Variants in NBAS observed in about 807,000 individuals in gnomAD.
NBAS encodes NBAS subunit of NRZ tethering complex, also known as NAG/BC035112 fusion.
Under a neutral mutation model 302.5 loss-of-function variants are expected in NBAS, and 219 were observed. The ratio of observed to expected loss-of-function variants is 0.72; its 90% CI spans 0.65 to 0.81. The LOEUF (loss-of-function observed/expected upper bound fraction) is 0.81, where lower values mean the gene tolerates loss of function less well. NBAS is among the 30% of genes least tolerant of loss of function. The pLI is 0.00. For synonymous variants in NBAS, 1,118 were observed against 1,021.6 expected (o/e 1.09, Z -1.80); for missense variants, 2,932 against 2,841.6 (o/e 1.03, Z -0.72).
At chr2:14,931,189 G>A in the NBAS span, among the ~76,000 whole-genome samples, 25 of 152,374 alleles carry the variant, frequency 1.6e-4, no homozygotes, top group African/African-American at 6.0e-4. Context: ...GCAGGATACA[G>A]AGGCAGAATC....
chr2:15,177,142 T>A (rs956058308), intron 51 of NBAS, among the ~76,000 whole-genome samples: 5 of 152,212 alleles, frequency 3.3e-5, no homozygotes, highest in Admixed American at 6.5e-5. Context: ...TTCTTGGATC[T>A]GAAGGGCACA....
the NBAS span, among the ~76,000 whole-genome samples, chr2:14,895,739 C>CAAAAAAAAAAA: frequency 0.018 from 1,691 of 94,788 alleles, 18 homozygotes; most frequent in Non-Finnish European, 0.03. Flanking sequence ...GACTCCGTCT[C>CAAAAAAAAAAA]AAAAAAAAAA....
In NBAS at chr2:15,461,243, G is replaced by A; in HGVS notation, c.2297C>T (p.Thr766Ile). Residue 766 changes from threonine to isoleucine, a missense_variant, in exon 21 of 52, where the codon ACC becomes ATC. Transcript: ENST00000281513. The stretch of plus-strand genomic sequence containing the variant: ...AACAGAATATTCATGTGGAGAAGTG[G>A]TCTCTGGAAAGTTGGACAGAATTGC... ...RLAILSNFPE[T>I]TSPHEYSVLL... 1 of 1,613,870 alleles carries A rather than the reference G, an allele frequency of 6.2e-7. No homozygotes were observed. Among genetic ancestry groups the A allele is most frequent in the Non-Finnish European group, 8.5e-7 (1 of 1,179,846 alleles).
chr2:14,808,525 G>A, the NBAS span, among the ~76,000 whole-genome samples: 1 of 152,204 alleles, frequency 6.6e-6, no homozygotes, highest in African/African-American at 2.4e-5. Flanking sequence ...GAGTTTCCCT[G>A]CACAAGCTCT....
intron 34 of NBAS, 51 bp downstream of exon 34, chr2:15,353,502 C>A: frequency 6.2e-7 from 1 of 1,607,638 alleles, no homozygotes; most frequent in Non-Finnish European, 8.5e-7. Context: ...TACACACACC[C>A]AACAACATGG....
At chr2:15,409,351 T>C (rs1231968844) in intron 25 of NBAS, among the ~76,000 whole-genome samples, 2 of 152,220 alleles carry the variant, frequency 1.3e-5, no homozygotes, top group African/African-American at 4.8e-5. Context: ...AGTCCCACAT[T>C]GAATACTGTC....
At chr2:15,034,296 G>GAAAGAA in the NBAS span, among the ~76,000 whole-genome samples, 3,762 of 102,286 alleles carry the variant, frequency 0.037, 195 homozygotes, top group African/African-American at 0.057. Context: ...AAGAAAGAAA[G>GAAAGAA]AAAGAAAGAT....
At chr2:15,365,576 C>T (rs992149718) in intron 32 of NBAS, among the ~76,000 whole-genome samples, 5 of 152,186 alleles carry the variant, frequency 3.3e-5, no homozygotes, top group African/African-American at 1.2e-4. Context: ...CCCATTCATT[C>T]CAGATGTCTC....
intron 21 of NBAS, among the ~76,000 whole-genome samples, chr2:15,449,965 T>C (rs1427961226): frequency 2.0e-5 from 3 of 152,168 alleles, no homozygotes; most frequent in South Asian, 2.1e-4. Flanking sequence ...TTTTCAATCT[T>C]AAAGGGAAAA....
intron 21 of NBAS, among the ~76,000 whole-genome samples, chr2:15,453,121 T>G (rs749950440): frequency 1.3e-5 from 2 of 152,022 alleles, no homozygotes; most frequent in Non-Finnish European, 2.9e-5. Context: ...CTGATGACAC[T>G]CCCCAGTTAA....
At chr2:15,256,325 T>C (rs1668591340) in intron 44 of NBAS, among the ~76,000 whole-genome samples, 1 of 152,072 alleles carries the variant, frequency 6.6e-6, no homozygotes, top group African/African-American at 2.4e-5. Context: ...GCAGCTGTTG[T>C]AAAAAAGGTT....
At chr2:15,008,634 C>A in the NBAS span, among the ~76,000 whole-genome samples, 3 of 152,136 alleles carry the variant, frequency 2.0e-5, no homozygotes, top group African/African-American at 7.2e-5. Context: ...TACTTGCTTA[C>A]CTGTGTACCA....
chr2:14,961,934 C>T, the NBAS span, among the ~76,000 whole-genome samples: 1 of 152,066 alleles, frequency 6.6e-6, no homozygotes, highest in Non-Finnish European at 1.5e-5. Context: ...TGCCCGCCAC[C>T]ACACCCAGCT....
intron 51 of NBAS, among the ~76,000 whole-genome samples, chr2:15,174,949 C>T (rs746197752): frequency 2.0e-5 from 3 of 152,062 alleles, no homozygotes; most frequent in Non-Finnish European, 2.9e-5. Context: ...AATTAGGTAC[C>T]GGAGGTCCTA....
chr2:15,458,069 C>T (rs1320452282), intron 21 of NBAS, among the ~76,000 whole-genome samples: 2 of 152,074 alleles, frequency 1.3e-5, no homozygotes, highest in Admixed American at 6.5e-5. Context: ...ACTATACAAG[C>T]GCCGCCCTAA....
chr2:15,274,947 T>C (rs1422638385), intron 44 of NBAS, among the ~76,000 whole-genome samples: 1 of 145,386 alleles, frequency 6.9e-6, no homozygotes, highest in African/African-American at 2.5e-5. Context: ...TTTTTTTTGG[T>C]TTTTTTTTTT....
chr2:14,875,450 A>T, the NBAS span, among the ~76,000 whole-genome samples: 1 of 152,072 alleles, frequency 6.6e-6, no homozygotes, highest in Non-Finnish European at 1.5e-5. Flanking sequence ...CCCCATCTCT[A>T]CTACAAATAC....
At chr2:15,007,376 A>C in the NBAS span, among the ~76,000 whole-genome samples, 1 of 152,014 alleles carries the variant, frequency 6.6e-6, no homozygotes, top group Middle Eastern at 3.2e-3. Context: ...TTTCCCTCTT[A>C]ATGTTTGTTT....
intron 11 of NBAS, among the ~76,000 whole-genome samples, chr2:15,502,561 G>A (rs1661625876): frequency 6.6e-6 from 1 of 152,192 alleles, no homozygotes; most frequent in South Asian, 2.1e-4. Flanking sequence ...TGGGCAACTG[G>A]AGCACAATGG....
Sources: gnomAD v4.1 joint callset for allele counts (sites outside exome capture counted in the v4.1 genomes callset) on GRCh38, gnomAD v4.1.1 for gene constraint, MANE v1.5 for transcripts, NCBI Gene and HGNC (gene_info 2026-07-23, HGNC 2026-07-21) for gene names.